Variants in PATJ observed in about 807,000 individuals in gnomAD.
PATJ encodes PATJ crumbs cell polarity complex component.
Under a neutral mutation model 224.9 loss-of-function variants are expected in PATJ, and 190 were observed. The ratio of observed to expected loss-of-function variants is 0.84; its 90% CI spans 0.75 to 0.95. PATJ has a LOEUF of 0.95. Ranked by LOEUF, PATJ falls within the 40% of genes least tolerant of loss-of-function variation. The pLI is 0.00. For missense variants in PATJ, 2,121 were observed against 2,270.3 expected, an observed-to-expected ratio of 0.93 and a Z score of 1.34; for synonymous variants, 769 against 820.3, an observed-to-expected ratio of 0.94 and a Z score of 1.07.
rs576992771 is a variant in PATJ at position 61,934,769 on chromosome 1, T to C, written c.3670+6940T>C. Among the ~76,000 whole-genome samples the C allele has an allele frequency of 2.7e-4, 41 of 152,324 alleles. No homozygotes were observed. In the Middle Eastern group the frequency reaches 0.01, roughly 38 times the overall value. ...CTCTCTGTTTTGGCCTGGGACGTTATACAAACCTAGTATTTGGCCGAATTA... is the reference window on the plus strand; with the variant it reads ...CTCTCTGTTTTGGCCTGGGACGTTACACAAACCTAGTATTTGGCCGAATTA... On this transcript the variant is annotated intron_variant, in intron 27 of 43. Coordinates refer to ENST00000642238, the MANE Select transcript of PATJ (RefSeq NM_001350145.3).
intron 28 of PATJ, among the ~76,000 whole-genome samples, chr1:62,014,562 C>CTTTTTTTT (rs35711547): frequency 3.5e-5 from 3 of 84,538 alleles, no homozygotes; most frequent in African/African-American, 4.6e-5. Context: ...CTTTTCTTTC[C>CTTTTTTTT]TTTTTTTTTT....
chr1:61,773,090 G>A (rs529210830), intron 6 of PATJ, among the ~76,000 whole-genome samples: 59 of 152,056 alleles, frequency 3.9e-4, no homozygotes, highest in Admixed American at 2.1e-3. Context: ...GCGTGATCTC[G>A]GCTCACTGCA....
chr1:61,992,246 TAGCCAGGATTACA>T (rs1288868171), intron 28 of PATJ, among the ~76,000 whole-genome samples: 2 of 151,812 alleles, frequency 1.3e-5, no homozygotes, highest in Admixed American at 6.6e-5. Flanking sequence ...GCCTCCCGAG[TAGCCAGGATTACA>T]GGCAAGTGCC....
At chr1:61,894,256 TA>T (rs1336438194) in intron 22 of PATJ, among the ~76,000 whole-genome samples, 3 of 123,152 alleles carry the variant, frequency 2.4e-5, no homozygotes, top group African/African-American at 6.7e-5. Flanking sequence ...CTCTATCTCA[TA>T]AAAAAAAAAA....
rs187055501 is a variant in PATJ, at chr1:61,797,277, G to A, written c.1261-10G>A. 1.2e-6 allele frequency: 2 copies of A among 1,606,890 alleles called. No individual in the cohort carries two copies. The highest frequency in any genetic ancestry group is 4.5e-5 in the East Asian group (2 of 44,676). On this transcript the variant is annotated splice_polypyrimidine_tract_variant and intron_variant, in intron 10 of 43. Transcript: ENST00000642238. ...AAAACCTCTGCTTAATGTTTCTCTT[G>A]ATGTTTTAGGTCGATGGCGTGAACA...
At chr1:61,781,837 G>T in intron 7 of PATJ, among the ~76,000 whole-genome samples, 1 of 152,318 alleles carries the variant, frequency 6.6e-6, no homozygotes. Context: ...CATGGAAAAG[G>T]TGCATGAGGT....
At chr1:62,158,836 C>T (rs140752838) in intron 43 of PATJ, among the ~76,000 whole-genome samples, 1 of 151,072 alleles carries the variant, frequency 6.6e-6, no homozygotes, top group South Asian at 2.1e-4. Flanking sequence ...GTAATACCAA[C>T]TACTTGGGAG....
At chr1:61,775,630 C>T (rs939200485) in intron 7 of PATJ, among the ~76,000 whole-genome samples, 1 of 152,040 alleles carries the variant, frequency 6.6e-6, no homozygotes, top group Non-Finnish European at 1.5e-5. Flanking sequence ...GCATTTTGAA[C>T]ATCTGTATTA....
At chr1:61,912,468 C>T (rs1035376681) in intron 25 of PATJ, among the ~76,000 whole-genome samples, 1 of 151,506 alleles carries the variant, frequency 6.6e-6, no homozygotes, top group Non-Finnish European at 1.5e-5. Context: ...GTGGTTTACA[C>T]TTGTAACCTC....
At chr1:62,148,748 A>G (rs1025052753) in intron 42 of PATJ, among the ~76,000 whole-genome samples, 3 of 152,112 alleles carry the variant, frequency 2.0e-5, no homozygotes, top group African/African-American at 7.2e-5. Context: ...TTGTTGTTAT[A>G]CTTGCTGACA....
chr1:61,941,138 G>A (rs549227141), intron 27 of PATJ, among the ~76,000 whole-genome samples: 12 of 152,260 alleles, frequency 7.9e-5, no homozygotes, highest in South Asian at 4.1e-4. Context: ...TTCTCCCTAC[G>A]TAGGAAGAAT....
At chr1:61,764,669 A>C (rs372427162) in intron 3 of PATJ, among the ~76,000 whole-genome samples, 2 of 152,214 alleles carry the variant, frequency 1.3e-5, no homozygotes, top group African/African-American at 4.8e-5. Context: ...TGATAAACTA[A>C]AATGCTTGCC....
chr1:61,830,672 C>T (rs1659144722), intron 16 of PATJ, among the ~76,000 whole-genome samples: 2 of 151,772 alleles, frequency 1.3e-5, no homozygotes, highest in African/African-American at 2.4e-5. Context: ...AGTATTGGTA[C>T]AAAAATAGAC....
intron 28 of PATJ, among the ~76,000 whole-genome samples, chr1:61,994,718 C>A (rs1314463153): frequency 6.6e-6 from 1 of 152,122 alleles, no homozygotes; most frequent in Non-Finnish European, 1.5e-5. Flanking sequence ...CCACGCCTGG[C>A]TAATTTTTTG....
chr1:61,825,922 G>A (rs1013705839), intron 15 of PATJ, among the ~76,000 whole-genome samples: 5 of 152,120 alleles, frequency 3.3e-5, no homozygotes, highest in African/African-American at 1.2e-4. Context: ...AGAACTTTGT[G>A]CACCTGTGAC....
chr1:61,749,664 C>T (rs937188883), intron 1 of PATJ, among the ~76,000 whole-genome samples: 1 of 151,414 alleles, frequency 6.6e-6, no homozygotes, highest in African/African-American at 2.4e-5. Context: ...TGAATAACAC[C>T]CCTCACCGCA....
chr1:61,742,772 T>C (rs1344425615), intron 1 of PATJ, among the ~76,000 whole-genome samples: 3 of 150,134 alleles, frequency 2.0e-5, no homozygotes, highest in African/African-American at 7.3e-5. Flanking sequence ...GCCCGCGGCG[T>C]GCGTCCGCGC....
At chr1:62,074,544 G>A (rs762880804) in intron 31 of PATJ, among the ~76,000 whole-genome samples, 3 of 151,952 alleles carry the variant, frequency 2.0e-5, no homozygotes, top group Non-Finnish European at 4.4e-5. Flanking sequence ...AGCAGTCCTC[G>A]CACCTCAGCC....
intron 22 of PATJ, among the ~76,000 whole-genome samples, chr1:61,898,186 T>A (rs1670640021): frequency 6.6e-6 from 1 of 152,218 alleles, no homozygotes; most frequent in Non-Finnish European, 1.5e-5. Context: ...TTCTCTGAGC[T>A]TCAGTTCCTC....
Sources: allele counts gnomAD v4.1 joint callset (sites outside exome capture counted in the v4.1 genomes callset), GRCh38; gene constraint gnomAD v4.1.1; transcripts MANE v1.5; gene names NCBI Gene and HGNC (gene_info 2026-07-23, HGNC 2026-07-21).